Variants in SH2B3 observed in about 807,000 individuals in gnomAD.
SH2B3 encodes the protein SH2B adapter protein 3.
A neutral mutation model predicts 51.9 loss-of-function variants in SH2B3; 43 were observed. The ratio of observed to expected loss-of-function variants is 0.83; its 90% CI spans 0.65 to 1.07. SH2B3 has a LOEUF of 1.07. Among genes scored for constraint, SH2B3 ranks in the 50% least tolerant of loss-of-function variants. SH2B3 has a pLI of 0.00. For missense variants in SH2B3, 952 were observed against 834.3 expected (o/e 1.14, Z -1.74); for synonymous variants, 396 against 376.0 (o/e 1.05, Z -0.62).
chr12:111,408,730 T>G lies in SH2B3; in HGVS notation c.-28+2453T>G, dbSNP rs1293078695. Among the ~76,000 whole-genome samples, 3 of 152,144 alleles carry G rather than the reference T, an allele frequency of 2.0e-5. 1 individual carries two copies. The South Asian group carries it at 6.2e-4, about 32-fold the overall frequency. ...ACAGTCTGGGCCAATACAGCTCCTT[T>G]TGCTGGAAACACCTTTGGGACCCAG... On this transcript the variant is annotated intron_variant, in intron 1 of 7. Coordinates refer to ENST00000341259, the MANE Select transcript of SH2B3 (RefSeq NM_005475.3).
Position 111,448,363 on chromosome 12 carries a change from T to C in SH2B3, c.*61T>C, listed in dbSNP as rs1344926106. ...GAGGAGCACAGGCAGAAGTGTGAAC[T>C]TGTGAATGTAATTGATCTTTCCTTC... On this transcript the variant is annotated 3_prime_UTR_variant, in exon 8 of 8. Coordinates refer to ENST00000341259, the MANE Select transcript of SH2B3 (RefSeq NM_005475.3). 1 of 1,187,076 alleles carries C rather than the reference T, an allele frequency of 8.4e-7. No individual in the cohort carries two copies. The highest frequency in any genetic ancestry group is 1.2e-6 in the Non-Finnish European group (1 of 832,860). The allele number at this position is 1,187,076 out of a possible 1,614,324, so 73.5% of individuals were successfully genotyped here.
chr12:111,423,630 A>G (rs1871742005), intron 2 of SH2B3, among the ~76,000 whole-genome samples: 1 of 152,062 alleles, frequency 6.6e-6, no homozygotes, highest in Non-Finnish European at 1.5e-5. Flanking sequence ...TCAGCCTCCC[A>G]AAGTGCCGGG....
chr12:111,445,907 G>GTGGA (rs1245079407), intron 2 of SH2B3, among the ~76,000 whole-genome samples: 5 of 152,272 alleles, frequency 3.3e-5, no homozygotes, highest in Non-Finnish European at 7.3e-5. Context: ...TTGGGCTGAG[G>GTGGA]TGGAGGTCAG....
intron 2 of SH2B3, among the ~76,000 whole-genome samples, chr12:111,434,578 G>A (rs906569239): frequency 6.6e-6 from 1 of 152,156 alleles, no homozygotes; most frequent in Non-Finnish European, 1.5e-5. Flanking sequence ...ACCTATGGGG[G>A]TTTGCAAGTT....
rs956310121 is a variant in SH2B3 at position 111,416,455 on chromosome 12, G to T, written c.-27-1664G>T. 4.6e-5 allele frequency among the ~76,000 whole-genome samples: 7 copies of T among 151,882 alleles called. No individual in the cohort carries two copies. In the South Asian group the frequency reaches 6.2e-4, roughly 14 times the overall value. On this transcript the variant is annotated intron_variant, in intron 1 of 7. Transcript: ENST00000341259. ...AGAGTAATCATGTAAGTCACTTAAG[G>T]TCCCATAACTAATAAGTTGTTGCTG...
chr12:111,447,378 A>T lies in SH2B3; in HGVS notation c.1070A>T (p.His357Leu). ...LLDPACQKTDHFLSCYPWFHG... is the reference protein window; with the variant it reads ...LLDPACQKTDLFLSCYPWFHG... Reference sequence around the variant, plus strand: ...GACCCGGCCTGCCAGAAGACGGACCATTTCCTGTCCTGCTACCCCTGGTTC... The same window carrying T: ...GACCCGGCCTGCCAGAAGACGGACCTTTTCCTGTCCTGCTACCCCTGGTTC... Residue 357 changes from histidine to leucine, a missense_variant, in exon 6 of 8, where the codon CAT becomes CTT. Physicochemically the swap from His to Leu is moderately conservative, Grantham distance 99 (BLOSUM62 -3). Coordinates refer to ENST00000341259, the MANE Select transcript of SH2B3 (RefSeq NM_005475.3). 1 of 1,613,968 alleles carries T rather than the reference A, an allele frequency of 6.2e-7. No homozygotes were observed. The highest frequency in any genetic ancestry group is 8.5e-7 in the Non-Finnish European group (1 of 1,179,954).
Position 111,435,785 on chromosome 12 carries a change from C to T in SH2B3, c.733-10968C>T, listed in dbSNP as rs753203703. Among the ~76,000 whole-genome samples the T allele has an allele frequency of 2.0e-5, 3 of 152,152 alleles. No homozygotes were observed. The highest frequency in any genetic ancestry group is 2.9e-5 in the Non-Finnish European group (2 of 68,036). On this transcript the variant is annotated intron_variant, in intron 2 of 7. Coordinates refer to ENST00000341259, the MANE Select transcript of SH2B3 (RefSeq NM_005475.3). The surrounding 1 kb of genome is among the most constrained non-coding windows in gnomAD (Gnocchi z 4.8). ...CCTTGTGGTGGCGAGGCGCAGAAGG[C>T]GTCACCTGAAAAAGGTGTGGCCAAG...
At chr12:111,405,311 C>G (rs1220142811), upstream of SH2B3, among the ~76,000 whole-genome samples, 1 of 152,180 alleles carries the variant, frequency 6.6e-6, no homozygotes, top group Non-Finnish European at 1.5e-5. The surrounding 1 kb of genome is among the most constrained non-coding windows in gnomAD (Gnocchi z 5.4). Flanking sequence ...GGCCAGAACC[C>G]AAATCGGGGG....
chr12:111,411,757 C>T (rs1465935998), intron 1 of SH2B3, among the ~76,000 whole-genome samples: 16 of 152,122 alleles, frequency 1.1e-4, no homozygotes, highest in Non-Finnish European at 1.9e-4. Flanking sequence ...AGCTGGTGGG[C>T]GTGCAGCTAG....
At chr12:111,420,574 G>GAGC (rs1325580066) in intron 2 of SH2B3, among the ~76,000 whole-genome samples, 2 of 152,082 alleles carry the variant, frequency 1.3e-5, no homozygotes, top group Admixed American at 1.3e-4. Flanking sequence ...TCTAGAGCAT[G>GAGC]AGCAAAACCG....
chr12:111,415,637 T>C (rs1372353269), intron 1 of SH2B3, among the ~76,000 whole-genome samples: 4 of 150,244 alleles, frequency 2.7e-5, no homozygotes, highest in African/African-American at 4.9e-5. Context: ...TTTTTTTTTT[T>C]CCAGGACAGA....
intron 3 of SH2B3, 30 bp downstream of exon 3, chr12:111,446,884 G>A: frequency 1.2e-6 from 2 of 1,604,482 alleles, no homozygotes; most frequent in Non-Finnish European, 1.7e-6. Flanking sequence ...ACACCCTGGG[G>A]CAATACAAAT....
chr12:111,422,706 G>A (rs148799157), intron 2 of SH2B3, among the ~76,000 whole-genome samples: 1 of 152,042 alleles, frequency 6.6e-6, no homozygotes, highest in Non-Finnish European at 1.5e-5. Flanking sequence ...GATTACAGGC[G>A]CATGCTACCA....
intron 2 of SH2B3, among the ~76,000 whole-genome samples, chr12:111,419,475 A>G (rs1226440240): frequency 6.6e-6 from 1 of 152,096 alleles, no homozygotes; most frequent in African/African-American, 2.4e-5. Context: ...TGTCTCTACT[A>G]AAAATATAAA....
intron 2 of SH2B3, among the ~76,000 whole-genome samples, chr12:111,428,557 C>G (rs1872193160): frequency 6.6e-6 from 1 of 152,142 alleles, no homozygotes; most frequent in African/African-American, 2.4e-5. Context: ...GCCCACCCTT[C>G]TGGCAGGAGA....
chr12:111,414,867 C>T (rs1233834629), intron 1 of SH2B3, among the ~76,000 whole-genome samples: 1 of 152,228 alleles, frequency 6.6e-6, no homozygotes, highest in Non-Finnish European at 1.5e-5. Flanking sequence ...GGGTTCCTTA[C>T]AAGGTGGATG....
At chr12:111,421,441 G>A (rs190363268) in intron 2 of SH2B3, among the ~76,000 whole-genome samples, 3 of 115,548 alleles carry the variant, frequency 2.6e-5, no homozygotes, top group South Asian at 5.5e-4. Flanking sequence ...ACAAGGTCTC[G>A]CTCTGTCACC....
chr12:111,431,891 GC>G (rs139105660), intron 2 of SH2B3, among the ~76,000 whole-genome samples: 2,227 of 152,282 alleles, frequency 0.015, 61 homozygotes, highest in African/African-American at 0.05. Flanking sequence ...ACAGGCGTGA[GC>G]CACCACCACA....
rs983665879 is a variant in SH2B3 at position 111,410,167 on chromosome 12, G to T, written c.-28+3890G>T. 3.3e-5 allele frequency among the ~76,000 whole-genome samples: 5 copies of T among 152,198 alleles called. No individual in the cohort carries two copies. Among genetic ancestry groups the T allele is most frequent in the African/African-American group, 1.2e-4 (5 of 41,448 alleles). ...AGGGGCTGACTCACAGGCGCCCAAT[G>T]GGGGGCCCCAGCTGGGAGACTGGGA... On this transcript the variant is annotated intron_variant, in intron 1 of 7. Coordinates refer to ENST00000341259, the MANE Select transcript of SH2B3 (RefSeq NM_005475.3). This position sits in a 1 kb window ranked among gnomAD's most constrained non-coding sequence, Gnocchi z 4.9.
Sources: allele counts gnomAD v4.1 joint callset (sites outside exome capture counted in the v4.1 genomes callset), GRCh38; gene constraint gnomAD v4.1.1; non-coding constraint Gnocchi (gnomAD v3.1); transcripts MANE v1.5; gene names NCBI Gene and HGNC (gene_info 2026-07-23, HGNC 2026-07-21).